Variants in EXOC4 observed in about 807,000 individuals in gnomAD.
The protein encoded by EXOC4 is exocyst complex component 4.
Under a neutral mutation model 107.2 loss-of-function variants are expected in EXOC4, and 71 were observed. The ratio of observed to expected loss-of-function variants is 0.66; its 90% CI spans 0.55 to 0.81. The LOEUF is 0.81. Among genes scored for constraint, EXOC4 ranks in the 30% least tolerant of loss-of-function variants. The pLI, the probability that EXOC4 is intolerant of heterozygous loss-of-function variation, is 0.00. For synonymous variants in EXOC4, 456 were observed against 441.2 expected (o/e 1.03, Z -0.42); for missense variants, 1,108 against 1,189.6 (o/e 0.93, Z 1.01).
chr7:133,256,323 TCTC>T (rs560175702), intron 1 of EXOC4, among the ~76,000 whole-genome samples: 145 of 152,336 alleles, frequency 9.5e-4, no homozygotes, highest in South Asian at 1.9e-3. Flanking sequence ...ACTTTGATTA[TCTC>T]CTCCTATCTT....
chr7:133,288,371 C>T (rs1319930412), intron 2 of EXOC4, among the ~76,000 whole-genome samples: 1 of 152,056 alleles, frequency 6.6e-6, no homozygotes, highest in African/African-American at 2.4e-5. Context: ...GGCAAAAAAG[C>T]CTTGGTATGT....
intron 15 of EXOC4, among the ~76,000 whole-genome samples, chr7:134,002,145 AT>A (rs1040503497): frequency 1.3e-5 from 2 of 152,170 alleles, no homozygotes; most frequent in African/African-American, 4.8e-5. Context: ...AAAATTATAC[AT>A]TTGTGCCAAT....
At chr7:134,059,564 A>G (rs907943576) in intron 17 of EXOC4, among the ~76,000 whole-genome samples, 1 of 152,238 alleles carries the variant, frequency 6.6e-6, no homozygotes, top group Non-Finnish European at 1.5e-5. Flanking sequence ...ATAAATTGAT[A>G]GAGCTTTTTT....
chr7:133,549,148 C>T (rs746552287), intron 9 of EXOC4, among the ~76,000 whole-genome samples: 6 of 152,158 alleles, frequency 3.9e-5, no homozygotes, highest in Non-Finnish European at 8.8e-5. Flanking sequence ...AGATTACAGG[C>T]ATGCATCACC....
At chr7:133,969,967 C>T (rs1435663946) in intron 14 of EXOC4, among the ~76,000 whole-genome samples, 2 of 152,210 alleles carry the variant, frequency 1.3e-5, no homozygotes, top group Non-Finnish European at 2.9e-5. Context: ...CCCAGGTGCC[C>T]TGTCCCAGGG....
intron 12 of EXOC4, among the ~76,000 whole-genome samples, chr7:133,902,053 C>T (rs536842589): frequency 6.6e-6 from 1 of 152,206 alleles, no homozygotes; most frequent in African/African-American, 2.4e-5. Flanking sequence ...TTCGTGAGAT[C>T]CTCCTAGCTT....
intron 10 of EXOC4, among the ~76,000 whole-genome samples, chr7:133,811,819 A>T (rs1005860319): frequency 6.6e-6 from 1 of 152,242 alleles, no homozygotes; most frequent in African/African-American, 2.4e-5. Context: ...CTGTAGTCCA[A>T]ACTCTTAGGA....
At chr7:133,310,880 G>T (rs1794856063) in intron 4 of EXOC4, among the ~76,000 whole-genome samples, 1 of 152,172 alleles carries the variant, frequency 6.6e-6, no homozygotes, top group African/African-American at 2.4e-5. Context: ...GATGCAGTCA[G>T]TGGGGATGGA....
intron 12 of EXOC4, among the ~76,000 whole-genome samples, chr7:133,908,135 C>G (rs1167799131): frequency 6.6e-6 from 1 of 152,194 alleles, no homozygotes; most frequent in East Asian, 1.9e-4. Flanking sequence ...CCAACTCACT[C>G]TACCATAATC....
intron 9 of EXOC4, among the ~76,000 whole-genome samples, chr7:133,624,548 A>C (rs1427476292): frequency 1.3e-5 from 2 of 151,876 alleles, no homozygotes; most frequent in East Asian, 3.9e-4. Context: ...ACACCACTGC[A>C]CTCCAGCCTA....
intron 14 of EXOC4, among the ~76,000 whole-genome samples, chr7:133,951,187 G>C (rs1188269446): frequency 6.6e-6 from 1 of 152,162 alleles, no homozygotes; most frequent in Admixed American, 6.5e-5. Flanking sequence ...CCTTGACCCA[G>C]CCCTACCCAT....
intron 10 of EXOC4, among the ~76,000 whole-genome samples, chr7:133,703,853 G>C (rs1794714481): frequency 6.6e-6 from 1 of 152,196 alleles, no homozygotes; most frequent in Admixed American, 6.5e-5. Flanking sequence ...ATTTCCATCA[G>C]CGATGACCTT....
chr7:133,624,253 A>G (rs1585039014), intron 9 of EXOC4, among the ~76,000 whole-genome samples: 1 of 152,314 alleles, frequency 6.6e-6, no homozygotes, highest in Admixed American at 6.5e-5. Flanking sequence ...ACTTAGTACA[A>G]GATGGTTATA....
chr7:134,027,604 G>A (rs956619628), intron 17 of EXOC4, among the ~76,000 whole-genome samples: 1 of 146,506 alleles, frequency 6.8e-6, no homozygotes, highest in Non-Finnish European at 1.5e-5. Context: ...GTCGCAGTGA[G>A]CCGAGATCAC....
intron 10 of EXOC4, among the ~76,000 whole-genome samples, chr7:133,747,211 G>T (rs1795694855): frequency 6.6e-6 from 1 of 152,040 alleles, no homozygotes; most frequent in Non-Finnish European, 1.5e-5. Flanking sequence ...ACTCCAAGTT[G>T]GTAGTATCTT....
chr7:133,844,439 G>A (rs1798084367), intron 11 of EXOC4, among the ~76,000 whole-genome samples: 1 of 132,736 alleles, frequency 7.5e-6, no homozygotes, highest in South Asian at 2.4e-4. Context: ...CGCCAGACTG[G>A]AGTACAGTGG....
chr7:133,576,412 A>G (rs2150963326), intron 9 of EXOC4: 1 of 1,090,514 alleles, frequency 9.2e-7, no homozygotes, highest in Non-Finnish European at 1.2e-6. Context: ...CGTCACAGTC[A>G]AATTAGCATT....
intron 5 of EXOC4, among the ~76,000 whole-genome samples, chr7:133,329,910 C>G (rs1795340454): frequency 6.6e-6 from 1 of 152,158 alleles, no homozygotes; most frequent in Admixed American, 6.5e-5. Flanking sequence ...GGTCAGGGAC[C>G]CACTTGAGGC....
At chr7:134,045,691 G>A (rs545134413) in intron 17 of EXOC4, among the ~76,000 whole-genome samples, 7 of 152,214 alleles carry the variant, frequency 4.6e-5, no homozygotes, top group Middle Eastern at 3.4e-3. Flanking sequence ...TAGTCACAGC[G>A]TTGTACAGCC....
Sources: gnomAD v4.1 joint callset for allele counts (sites outside exome capture counted in the v4.1 genomes callset) on GRCh38, gnomAD v4.1.1 for gene constraint, MANE v1.5 for transcripts, NCBI Gene and HGNC (gene_info 2026-07-23, HGNC 2026-07-21) for gene names.